ZNF280D: variants seen among roughly 807,000 people sequenced by gnomAD.
ZNF280D encodes the protein suppressor of hairy wing homolog 4.
A neutral mutation model predicts 94.7 loss-of-function variants in ZNF280D; 39 were observed. The ratio of observed to expected loss-of-function variants is 0.41; its 90% CI spans 0.32 to 0.54. The LOEUF (loss-of-function observed/expected upper bound fraction) is 0.54, where lower values mean the gene tolerates loss of function less well. ZNF280D is among the 20% of genes least tolerant of loss of function. The pLI, the probability that ZNF280D is intolerant of heterozygous loss-of-function variation, is 0.22. For synonymous variants in ZNF280D, 398 were observed against 377.6 expected, an observed-to-expected ratio of 1.05 and a Z score of -0.63; for missense variants, 1,090 against 1,149.3, an observed-to-expected ratio of 0.95 and a Z score of 0.75.
intron 21 of ZNF280D, among the ~76,000 whole-genome samples, chr15:56,634,530 C>T (rs1322994112): frequency 2.6e-5 from 4 of 151,960 alleles, no homozygotes; most frequent in Non-Finnish European, 5.9e-5. Flanking sequence ...TAATCCATAA[C>T]TTGCTTTTAG....
chr15:56,661,373 A>G (rs756610767), intron 16 of ZNF280D, among the ~76,000 whole-genome samples: 2 of 152,168 alleles, frequency 1.3e-5, no homozygotes, highest in Non-Finnish European at 2.9e-5. Flanking sequence ...GAATGACCTG[A>G]CCAGATTTGC....
intron 1 of ZNF280D, among the ~76,000 whole-genome samples, chr15:56,727,697 G>T (rs779899261): frequency 3.5e-4 from 54 of 152,114 alleles, no homozygotes; most frequent in Non-Finnish European, 6.8e-4. Context: ...AATTAACAGA[G>T]GAAGGCATTT....
chr15:56,710,366 C>T (rs1211479779), intron 1 of ZNF280D, among the ~76,000 whole-genome samples: 2 of 151,994 alleles, frequency 1.3e-5, no homozygotes, highest in African/African-American at 4.8e-5. Flanking sequence ...TGAGACTGCA[C>T]CACTGTACTC....
At chr15:56,654,025 C>G in intron 19 of ZNF280D, 173 bp downstream of exon 19, 2 of 1,455,104 alleles carry the variant, frequency 1.4e-6, no homozygotes, top group East Asian at 2.5e-5. Flanking sequence ...TTGTCTTGCA[C>G]CAGGTCACGA....
At chr15:56,733,237 G>C (rs1210707041) in intron 1 of ZNF280D, among the ~76,000 whole-genome samples, 4 of 152,218 alleles carry the variant, frequency 2.6e-5, no homozygotes, top group South Asian at 2.1e-4. Context: ...CGGCTGCCGC[G>C]TCGCGCCGGG....
At chr15:56,653,531 T>C (rs1275525145) in intron 19 of ZNF280D, 18 of 1,522,766 alleles carry the variant, frequency 1.2e-5, no homozygotes, top group Non-Finnish European at 1.6e-5. Context: ...ATCAGTTGTG[T>C]CCATCGAAGG....
intron 16 of ZNF280D, among the ~76,000 whole-genome samples, chr15:56,659,613 T>C (rs1351269027): frequency 1.3e-5 from 2 of 152,026 alleles, no homozygotes; most frequent in Non-Finnish European, 2.9e-5. Context: ...CGTAATACTA[T>C]CCACAGTTTC....
intron 20 of ZNF280D, among the ~76,000 whole-genome samples, chr15:56,640,619 T>TTC (rs1423835005): frequency 1.3e-5 from 2 of 152,184 alleles, no homozygotes; most frequent in Non-Finnish European, 2.9e-5. Flanking sequence ...ATTCTTTTCT[T>TTC]ATTTTGTTTT....
chr15:56,718,600 C>T lies in ZNF280D; in HGVS notation c.-85-11294G>A, dbSNP rs571371399. ...AGTACAGTTATTAAAAGCTTTAATA[C>T]GAAAGAAAAATTTTCACACAGGGTA... is the stretch of plus-strand genomic sequence containing the variant. On this transcript the variant is annotated intron_variant, in intron 1 of 21. Transcript: ENST00000267807. Among the ~76,000 whole-genome samples the T allele has an allele frequency of 1.2e-4, 19 of 152,234 alleles. No individual in the cohort carries two copies. The South Asian group carries it at 1.9e-3, about 15-fold the overall frequency.
intron 1 of ZNF280D, among the ~76,000 whole-genome samples, chr15:56,717,016 C>A (rs1335554544): frequency 6.6e-6 from 1 of 152,056 alleles, no homozygotes; most frequent in African/African-American, 2.4e-5. Context: ...ATATTGAAAC[C>A]CAGGACAATG....
chr15:56,666,353 C>G, intron 16 of ZNF280D, 42 bp downstream of exon 16: 9 of 1,587,590 alleles, frequency 5.7e-6, no homozygotes, highest in Non-Finnish European at 7.7e-6. Flanking sequence ...ACTTGCTGAA[C>G]TATAATTTTA....
chr15:56,686,377 G>C (rs1285750891), intron 9 of ZNF280D, among the ~76,000 whole-genome samples: 3 of 152,202 alleles, frequency 2.0e-5, no homozygotes, highest in African/African-American at 7.2e-5. Context: ...GACCTCAGGT[G>C]ATCTGCTGGC....
chr15:56,686,856 G>C (rs1230165426), intron 9 of ZNF280D, among the ~76,000 whole-genome samples: 1 of 151,982 alleles, frequency 6.6e-6, no homozygotes, highest in Non-Finnish European at 1.5e-5. Context: ...AATTTTCTAA[G>C]GATTAATGAA....
At position 56,689,440 on chromosome 15, in the gene ZNF280D, C is replaced by T. The variant is rs1016910768; in HGVS notation, c.530G>A (p.Arg177His). Reference protein sequence around the residue: ...GMSESSFLSKRPSTSEVNNVN... With the variant: ...GMSESSFLSKHPSTSEVNNVN... Reference sequence around the variant, plus strand: ...ATTATTTACTTCAGAAGTAGAAGGACGTTTTGATAAAAATGAACTTTCACT... The same window carrying T: ...ATTATTTACTTCAGAAGTAGAAGGATGTTTTGATAAAAATGAACTTTCACT... Residue 177 changes from arginine to histidine, a missense_variant, in exon 8 of 22, where the codon CGT becomes CAT. Physicochemically the swap from Arg to His is conservative, Grantham distance 29. Coordinates refer to ENST00000267807, the MANE Select transcript of ZNF280D (RefSeq NM_017661.4). 5.8e-6 allele frequency: 9 copies of T among 1,562,422 alleles called. No homozygotes were observed. Among genetic ancestry groups the T allele is most frequent in the African/African-American group, 1.4e-5 (1 of 73,196 alleles).
At chr15:56,705,543 T>C (rs573362093) in intron 3 of ZNF280D, among the ~76,000 whole-genome samples, 19 of 152,308 alleles carry the variant, frequency 1.2e-4, no homozygotes, top group African/African-American at 3.8e-4. Flanking sequence ...AAGTATGATA[T>C]CTACCTAATA....
At chr15:56,680,806 A>C (rs538735576) in intron 10 of ZNF280D, among the ~76,000 whole-genome samples, 2 of 152,166 alleles carry the variant, frequency 1.3e-5, no homozygotes, top group Admixed American at 1.3e-4. Flanking sequence ...TAAATGGGCT[A>C]ATCTTAAAGG....
chr15:56,709,216 C>G (rs147727148), intron 1 of ZNF280D, among the ~76,000 whole-genome samples: 32,440 of 152,090 alleles, frequency 0.21, 3,993 homozygotes, highest in African/African-American at 0.34. Context: ...ACAGACACTT[C>G]TCAAAAGAAG....
intron 1 of ZNF280D, among the ~76,000 whole-genome samples, chr15:56,717,276 T>C (rs1210698779): frequency 6.6e-6 from 1 of 152,122 alleles, no homozygotes; most frequent in Non-Finnish European, 1.5e-5. Context: ...AGATGTCCAC[T>C]ACAAGGAATT....
chr15:56,703,849 T>C (rs2057236997), intron 4 of ZNF280D, among the ~76,000 whole-genome samples: 1 of 124,524 alleles, frequency 8.0e-6, no homozygotes, highest in African/African-American at 3.1e-5. Context: ...TGAGACCCTG[T>C]CTCAAAATAA....
Sources: gnomAD v4.1 joint callset for allele counts (sites outside exome capture counted in the v4.1 genomes callset) on GRCh38, gnomAD v4.1.1 for gene constraint, MANE v1.5 for transcripts, NCBI Gene and HGNC (gene_info 2026-07-23, HGNC 2026-07-21) for gene names.